The following SELENOF variants were observed in gnomAD, a reference collection of about 807,000 sequenced individuals.
SELENOF encodes 15 kDa selenoprotein.
SELENOF carries 16 observed loss-of-function variants against 20.5 expected under a neutral mutation model. That is an observed-to-expected ratio of 0.78 (90% confidence interval 0.53 to 1.19). SELENOF has a LOEUF of 1.19. SELENOF is among the 50% of genes most tolerant of loss of function. The pLI, the probability that SELENOF is intolerant of heterozygous loss-of-function variation, is 0.00. For synonymous variants in SELENOF, 78 were observed against 74.5 expected (o/e 1.05, Z -0.24); for missense variants, 215 against 194.2 (o/e 1.11, Z -0.64).
At chr1:86,877,910 T>C (rs1296129822) in intron 3 of SELENOF, among the ~76,000 whole-genome samples, 1 of 152,162 alleles carries the variant, frequency 6.6e-6, no homozygotes, top group Non-Finnish European at 1.5e-5. Flanking sequence ...TAGTCCTTTA[T>C]AGAAAGTTTG....
chr1:86,914,250 T>C, upstream of SELENOF: 1 of 743,344 alleles, frequency 1.3e-6, no homozygotes. Context: ...TAACGGCATA[T>C]GAAAGCTTAA....
chr1:86,864,706 G>A (rs1156643135), intron 4 of SELENOF, among the ~76,000 whole-genome samples: 5 of 149,878 alleles, frequency 3.3e-5, no homozygotes, highest in African/African-American at 1.2e-4. Flanking sequence ...GCGTGATCTC[G>A]GTTCACTGCC....
At chr1:86,889,958 C>T (rs1659334616) in intron 2 of SELENOF, among the ~76,000 whole-genome samples, 1 of 152,178 alleles carries the variant, frequency 6.6e-6, no homozygotes, top group South Asian at 2.1e-4. Flanking sequence ...GTATTCCCCT[C>T]CGCCTTATCA....
At chr1:86,881,460 A>G (rs1322309766) in intron 2 of SELENOF, among the ~76,000 whole-genome samples, 1 of 152,224 alleles carries the variant, frequency 6.6e-6, no homozygotes, top group African/African-American at 2.4e-5. Context: ...TATTCTTTTT[A>G]TAGGGCAGGA....
intron 2 of SELENOF, among the ~76,000 whole-genome samples, chr1:86,899,887 A>G (rs1481769322): frequency 6.8e-6 from 1 of 148,008 alleles, no homozygotes; most frequent in Non-Finnish European, 1.5e-5. Context: ...GGCTGGGCAG[A>G]GACGCTCCTC....
chr1:86,914,036 G>C lies in SELENOF; in HGVS notation c.76C>G (p.Leu26Val). The C allele has an allele frequency of 6.2e-7, 1 of 1,613,898 alleles. No homozygotes were observed. Among genetic ancestry groups the C allele is most frequent in the Non-Finnish European group, 8.5e-7 (1 of 1,179,800 alleles). ...FGLRLLLATV[L>V]QAVSAFGAEF... ...AGGTGATCTACACTCACCGCTTGAA[G>C]CACAGTCGCCAACAACAACCGTAGC... Residue 26 changes from leucine (L) to valine (V), a missense_variant, in exon 1 of 5, where the codon CTT becomes GTT. Physicochemically the swap from Leu to Val is conservative, Grantham distance 32. Coordinates refer to ENST00000331835, the MANE Select transcript of SELENOF (RefSeq NM_004261.5).
chr1:86,882,843 T>C (rs1659110474), intron 2 of SELENOF, among the ~76,000 whole-genome samples: 1 of 152,208 alleles, frequency 6.6e-6, no homozygotes, highest in South Asian at 2.1e-4. Flanking sequence ...AAGCAGATTC[T>C]GACTGGGTGC....
intron 3 of SELENOF, among the ~76,000 whole-genome samples, chr1:86,876,329 A>G (rs975064158): frequency 6.6e-6 from 1 of 152,152 alleles, no homozygotes; most frequent in Non-Finnish European, 1.5e-5. Flanking sequence ...GAAACAGGGA[A>G]GATGGTATAC....
rs1180490349 is a variant in SELENOF at position 86,863,119 on chromosome 1, C to CA, written c.*354dup. On this transcript the variant is annotated 3_prime_UTR_variant, in exon 5 of 5. Coordinates refer to ENST00000331835, the MANE Select transcript of SELENOF (RefSeq NM_004261.5). ...TTCAAAGAGCACACAGCACATGAGG[C>CA]ATAGTAATCATCTGTCTTGTTAACC... 1.1e-5 allele frequency: 2 copies of CA among 179,936 alleles called. No individual in the cohort carries two copies. The highest frequency in any genetic ancestry group is 3.3e-4 in the East Asian group (2 of 6,010). The allele number at this position is 179,936 out of a possible 1,614,324, so 11.1% of individuals were successfully genotyped here.
intron 1 of SELENOF, among the ~76,000 whole-genome samples, chr1:86,908,768 T>A (rs1659897176): frequency 6.6e-6 from 1 of 152,182 alleles, no homozygotes; most frequent in South Asian, 2.1e-4. Flanking sequence ...TGAGAAAATA[T>A]TACACATGAT....
intron 3 of SELENOF, among the ~76,000 whole-genome samples, chr1:86,871,843 T>C (rs1021137195): frequency 1.3e-4 from 20 of 152,220 alleles, no homozygotes; most frequent in Admixed American, 2.6e-4. Context: ...CTTGATCACA[T>C]TGTAATCACC....
At chr1:86,882,456 A>G (rs1460567423) in intron 2 of SELENOF, among the ~76,000 whole-genome samples, 1 of 151,426 alleles carries the variant, frequency 6.6e-6, no homozygotes, top group Non-Finnish European at 1.5e-5. Flanking sequence ...TCAAAACCAC[A>G]ATGAGATCCC....
chr1:86,881,680 T>C (rs1659073328), intron 2 of SELENOF, among the ~76,000 whole-genome samples: 1 of 152,160 alleles, frequency 6.6e-6, no homozygotes, highest in Non-Finnish European at 1.5e-5. Flanking sequence ...TTATTTAAAA[T>C]AGTTTGGAAA....
intron 2 of SELENOF, among the ~76,000 whole-genome samples, chr1:86,891,524 T>G (rs989471109): frequency 6.6e-6 from 1 of 152,236 alleles, no homozygotes; most frequent in Non-Finnish European, 1.5e-5. Context: ...ATTTTCGTTT[T>G]GAGCATTGCA....
chr1:86,899,845 G>A (rs1659639674), intron 2 of SELENOF, among the ~76,000 whole-genome samples: 1 of 148,156 alleles, frequency 6.7e-6, no homozygotes, highest in Non-Finnish European at 1.5e-5. Context: ...GCGGTTGCCA[G>A]GCGGAGGGTC....
chr1:86,884,333 G>A (rs539912647), intron 2 of SELENOF, among the ~76,000 whole-genome samples: 8 of 147,464 alleles, frequency 5.4e-5, no homozygotes, highest in African/African-American at 1.8e-4. Flanking sequence ...TGTTGTTAGC[G>A]GGCGCACATA....
At chr1:86,869,824 G>GACC (rs2102071723) in intron 3 of SELENOF, among the ~76,000 whole-genome samples, 1 of 151,996 alleles carries the variant, frequency 6.6e-6, no homozygotes, top group South Asian at 2.1e-4. Flanking sequence ...GCCCAGGCTG[G>GACC]AGTGCAGTGG....
At chr1:86,866,899 G>C (rs1658612463) in intron 4 of SELENOF, among the ~76,000 whole-genome samples, 1 of 152,136 alleles carries the variant, frequency 6.6e-6, no homozygotes, top group African/African-American at 2.4e-5. Flanking sequence ...CAGTTTTGCA[G>C]TTTCTTACAA....
chr1:86,912,545 A>G (rs2102139011), intron 1 of SELENOF, among the ~76,000 whole-genome samples: 1 of 152,286 alleles, frequency 6.6e-6, no homozygotes, highest in African/African-American at 2.4e-5. Context: ...GATGGAAGTA[A>G]TATATGTGAT....
Sources: gnomAD v4.1 joint callset for allele counts (sites outside exome capture counted in the v4.1 genomes callset) on GRCh38, gnomAD v4.1.1 for gene constraint, MANE v1.5 for transcripts, NCBI Gene and HGNC (gene_info 2026-07-23, HGNC 2026-07-21) for gene names.